Variants in KIZ observed in about 807,000 individuals in gnomAD.
KIZ encodes the protein centrosomal protein kizuna.
In KIZ, 68 loss-of-function variants were observed where a neutral mutation model predicts 79.6. The ratio of observed to expected loss-of-function variants is 0.85; its 90% CI spans 0.70 to 1.05. The LOEUF is 1.05. KIZ is among the 50% of genes least tolerant of loss of function. The probability of loss-of-function intolerance (pLI) is 0.00; values close to 1 mark genes in which losing one functional copy is unlikely to be tolerated. For missense variants in KIZ, 797 were observed against 800.4 expected (o/e 1.00, Z 0.05); for synonymous variants, 280 against 281.8 (o/e 0.99, Z 0.06).
intron 9 of KIZ, among the ~76,000 whole-genome samples, chr20:21,220,538 C>T (rs959682432): frequency 3.3e-5 from 5 of 152,202 alleles, no homozygotes; most frequent in Middle Eastern, 3.4e-3. Context: ...GGCTGGAGTG[C>T]GGTGGCACGA....
chr20:21,133,085 G>T (rs1449367529), intron 2 of KIZ: 2 of 152,136 alleles, frequency 1.3e-5, no homozygotes. Context: ...AGAACTTCTG[G>T]CTTTGATAGC....
chr20:21,238,366 T>TGTGTGTGA (rs776242830), intron 11 of KIZ, among the ~76,000 whole-genome samples: 2 of 150,200 alleles, frequency 1.3e-5, no homozygotes, highest in South Asian at 2.1e-4. Flanking sequence ...TGTGTGTGTG[T>TGTGTGTGA]GAGAGGGTGT....
At chr20:21,203,487 G>T (rs1029629685) in intron 6 of KIZ, among the ~76,000 whole-genome samples, 1 of 152,110 alleles carries the variant, frequency 6.6e-6, no homozygotes, top group Non-Finnish European at 1.5e-5. Context: ...TTCAAATGTC[G>T]AAAGGTTGAT....
At chr20:21,243,207 A>G (rs2037277559) in intron 11 of KIZ, among the ~76,000 whole-genome samples, 2 of 152,036 alleles carry the variant, frequency 1.3e-5, no homozygotes, top group African/African-American at 4.8e-5. Flanking sequence ...AATGGCTGTG[A>G]GCACTACTCA....
At chr20:21,178,683 T>C (rs2034531899) in intron 6 of KIZ, among the ~76,000 whole-genome samples, 5 of 152,184 alleles carry the variant, frequency 3.3e-5, no homozygotes, top group Non-Finnish European at 7.4e-5. Flanking sequence ...GCTTTCACCA[T>C]TGAGTATGAT....
At chr20:21,136,599 GTT>G (rs11476720) in intron 3 of KIZ, 47 bp downstream of exon 3, 9,988 of 1,022,720 alleles carry the variant, frequency 9.8e-3, no homozygotes, top group South Asian at 0.014. Flanking sequence ...GTTGTTGTGT[GTT>G]TTTTTTTTTT....
At chr20:21,211,099 A>T (rs2036049635) in intron 7 of KIZ, among the ~76,000 whole-genome samples, 7 of 152,208 alleles carry the variant, frequency 4.6e-5, no homozygotes, top group Admixed American at 4.6e-4. Context: ...GTCTGTTTAT[A>T]CATTTGAATA....
At chr20:21,239,301 G>C (rs537189014) in intron 11 of KIZ, among the ~76,000 whole-genome samples, 1 of 152,320 alleles carries the variant, frequency 6.6e-6, no homozygotes, top group East Asian at 1.9e-4. Context: ...GCTGTGGCAG[G>C]GTTCTCCCTG....
chr20:21,206,219 C>T (rs981084797), intron 7 of KIZ, among the ~76,000 whole-genome samples: 5 of 152,188 alleles, frequency 3.3e-5, no homozygotes, highest in Admixed American at 2.0e-4. Flanking sequence ...AAATGCCTAT[C>T]GGTCCATTAC....
chr20:21,209,781 C>A (rs138999843), intron 7 of KIZ, among the ~76,000 whole-genome samples: 1,496 of 152,196 alleles, frequency 9.8e-3, no homozygotes, highest in Non-Finnish European at 0.016. Context: ...ATTTTTAATT[C>A]TCTTGCTTTT....
intron 10 of KIZ, among the ~76,000 whole-genome samples, chr20:21,232,379 G>T (rs985790771): frequency 1.3e-5 from 2 of 152,170 alleles, no homozygotes; most frequent in African/African-American, 4.8e-5. Flanking sequence ...TCTGAGCCCT[G>T]GTTTGCTGCC....
At chr20:21,240,276 C>G (rs1397769366) in intron 11 of KIZ, among the ~76,000 whole-genome samples, 2 of 152,112 alleles carry the variant, frequency 1.3e-5, no homozygotes, top group Non-Finnish European at 1.5e-5. Flanking sequence ...AGGCACATAG[C>G]ACCATGCCTG....
chr20:21,139,051 G>A, intron 3 of KIZ: 1 of 139,966 alleles, frequency 7.1e-6, no homozygotes, highest in African/African-American at 2.7e-5. Context: ...GAGCAAGCGT[G>A]TTCAGGGTGG....
intron 4 of KIZ, among the ~76,000 whole-genome samples, chr20:21,153,382 A>G (rs1290926179): frequency 6.6e-6 from 1 of 152,162 alleles, no homozygotes; most frequent in African/African-American, 2.4e-5. Context: ...GACAATTCGT[A>G]AAGATTGATT....
At chr20:21,156,889 A>G (rs1486010675) in intron 4 of KIZ, among the ~76,000 whole-genome samples, 1 of 152,204 alleles carries the variant, frequency 6.6e-6, no homozygotes, top group African/African-American at 2.4e-5. Flanking sequence ...AAATGTAAAC[A>G]TTTGGTAAAT....
chr20:21,225,341 T>G (rs1478559003), intron 9 of KIZ, among the ~76,000 whole-genome samples: 3 of 152,254 alleles, frequency 2.0e-5, no homozygotes, highest in African/African-American at 7.2e-5. Context: ...AATGATTGTA[T>G]TCTTTAGAAA....
At chr20:21,234,363 C>A (rs2424352) in intron 11 of KIZ, among the ~76,000 whole-genome samples, 88,273 of 149,624 alleles carry the variant, frequency 0.59, 27,284 homozygotes, top group South Asian at 0.78. Flanking sequence ...AAAAAAAAAA[C>A]CACACAAAAA....
chr20:21,231,951 A>G (rs551125539), intron 10 of KIZ, among the ~76,000 whole-genome samples: 1 of 152,332 alleles, frequency 6.6e-6, no homozygotes, highest in Non-Finnish European at 1.5e-5. Flanking sequence ...CTGAATGTGG[A>G]CACATTTTTA....
intron 3 of KIZ, among the ~76,000 whole-genome samples, chr20:21,140,909 TG>T (rs555524543): frequency 5.9e-5 from 9 of 151,422 alleles, no homozygotes; most frequent in South Asian, 4.2e-4. Flanking sequence ...GAATCTGAGA[TG>T]GGGGGGGATC....
Sources: gnomAD v4.1 joint callset for allele counts (sites outside exome capture counted in the v4.1 genomes callset) on GRCh38, gnomAD v4.1.1 for gene constraint, MANE v1.5 for transcripts, NCBI Gene and HGNC (gene_info 2026-07-23, HGNC 2026-07-21) for gene names.